The following PUDP variants were observed in gnomAD, a reference collection of about 807,000 sequenced individuals.
PUDP encodes the protein pseudouridine-5'-phosphatase.
PUDP carries 8 observed loss-of-function variants against 9.4 expected under a neutral mutation model. The ratio of observed to expected loss-of-function variants is 0.85; its 90% CI spans 0.50 to 1.53. The LOEUF is 1.53. PUDP is among the 40% of genes most tolerant of loss of function. The pLI is 0.00. For missense variants in PUDP, 188 were observed against 189.7 expected (o/e 0.99, Z 0.05); for synonymous variants, 99 against 80.7 (o/e 1.23, Z -1.22).
rs191177324 is a variant in PUDP, at chrX:6,800,969, C to T, written c.*248-94503G>A. On this transcript the variant is annotated intron_variant and NMD_transcript_variant, in intron 3 of 3. Coordinates refer to the PUDP transcript ENST00000655425. ...GGAAAAGGATTCTCCCTGCCACCACCTCAAATGCCACTGCTGCCTTCCAGC... is the reference window on the plus strand; with the variant it reads ...GGAAAAGGATTCTCCCTGCCACCACTTCAAATGCCACTGCTGCCTTCCAGC... 2.7e-5 allele frequency among the ~76,000 whole-genome samples: 3 copies of T among 111,542 alleles called. No homozygotes were observed. The East Asian group carries it at 8.5e-4, about 31-fold the overall frequency.
At chrX:6,911,170 C>T (rs1463644352) in intron 3 of PUDP, among the ~76,000 whole-genome samples, 1 of 108,982 alleles carries the variant, frequency 9.2e-6, no homozygotes, top group Non-Finnish European at 1.9e-5. Context: ...TATATATTTA[C>T]TTTCTGATTT....
intron 1 of PUDP, among the ~76,000 whole-genome samples, chrX:7,136,334 T>C (rs778410162): frequency 8.9e-6 from 1 of 112,180 alleles, no homozygotes; most frequent in East Asian, 2.8e-4. Context: ...ACAGGGTCAA[T>C]TGTGGCCCCC....
At chrX:7,080,238 A>T (rs1447694825) in intron 2 of PUDP, among the ~76,000 whole-genome samples, 1 of 112,468 alleles carries the variant, frequency 8.9e-6, no homozygotes, top group Non-Finnish European at 1.9e-5. Flanking sequence ...ATGAAATGAG[A>T]TAATTCTTTG....
intron 3 of PUDP, among the ~76,000 whole-genome samples, chrX:6,914,024 G>A (rs962913286): frequency 9.2e-6 from 1 of 108,967 alleles, no homozygotes; most frequent in African/African-American, 3.3e-5. Context: ...AAAATTAGCC[G>A]GGCGTGGTGG....
chrX:6,714,681 G>A (rs144168053), intron 1 of PUDP, among the ~76,000 whole-genome samples: 1 of 111,397 alleles, frequency 9.0e-6, no homozygotes, highest in African/African-American at 3.3e-5. Context: ...GATAAATAGA[G>A]ATGACAGATA....
chrX:6,933,048 GACAA>G (rs1264818100), intron 3 of PUDP, among the ~76,000 whole-genome samples: 2 of 110,596 alleles, frequency 1.8e-5, no homozygotes, highest in Non-Finnish European at 3.8e-5. Context: ...GCAGGGCACA[GACAA>G]ACAAAAAGAC....
intron 3 of PUDP, among the ~76,000 whole-genome samples, chrX:6,931,021 T>C (rs937587713): frequency 3.6e-5 from 4 of 111,792 alleles, no homozygotes; most frequent in African/African-American, 1.3e-4. Context: ...CCCTATATTT[T>C]TATTCGGGTG....
Position 7,077,313 on chromosome X carries a change from C to T in PUDP, c.417G>A (p.Leu139=). 8.3e-7 allele frequency: 1 copy of T among 1,210,779 alleles called. No homozygotes were observed. Among genetic ancestry groups the T allele is most frequent in the Non-Finnish European group, 1.1e-6 (1 of 895,053 alleles). Residue 139 remains leucine (L), a synonymous_variant, in exon 3 of 4, where the codon CTG becomes CTA. Coordinates refer to ENST00000381077, the MANE Select transcript of PUDP (RefSeq NM_012080.5). ...EFFSLFSHIV[L]GDDPEVQHGK... ...CATGCTGCACTTCGGGGTCATCTCC[C>T]AGCACAATGTGGGAAAACAAGCTGA...
At chrX:7,123,361 T>C (rs1173875299) in intron 1 of PUDP, among the ~76,000 whole-genome samples, 1 of 112,027 alleles carries the variant, frequency 8.9e-6, no homozygotes, top group Non-Finnish European at 1.9e-5. Flanking sequence ...GTGGTTAAGA[T>C]GTTTATCATA....
In PUDP at chrX:6,831,621, A is replaced by G. The variant is rs1926504907; in HGVS notation, c.*248-125155T>C. ...TAATGAGACAAATTATCCTCACTGC[A>G]TATAGTGAGAATTAAAAGATACCAT... On this transcript the variant is annotated intron_variant and NMD_transcript_variant, in intron 3 of 3. Transcript: ENST00000655425. Among the ~76,000 whole-genome samples, 3 of 112,241 alleles carry G rather than the reference A, an allele frequency of 2.7e-5. No individual in the cohort carries two copies. The South Asian group carries it at 1.1e-3, about 42-fold the overall frequency.
chrX:6,714,042 C>T (rs1238448173), intron 1 of PUDP, among the ~76,000 whole-genome samples: 1 of 110,512 alleles, frequency 9.0e-6, no homozygotes, highest in Non-Finnish European at 1.9e-5. Flanking sequence ...CAGGCGCACA[C>T]CACCATACCC....
Position 6,919,585 on chromosome X carries a change from A to G in PUDP, c.*247+57548T>C, listed in dbSNP as rs1050588119. Among the ~76,000 whole-genome samples the G allele has an allele frequency of 2.7e-5, 3 of 110,444 alleles. No homozygotes were observed. In the Admixed American group the frequency reaches 2.9e-4, roughly 11 times the overall value. Reference sequence around the variant, plus strand: ...AGAACGACTTGAGAATCCATAAAAAAGCACAAAGACCCGTAGGTTTCTGAT... The same window carrying G: ...AGAACGACTTGAGAATCCATAAAAAGGCACAAAGACCCGTAGGTTTCTGAT... On this transcript the variant is annotated intron_variant and NMD_transcript_variant, in intron 3 of 3. Coordinates refer to the PUDP transcript ENST00000655425.
intron 3 of PUDP, among the ~76,000 whole-genome samples, chrX:6,897,000 A>G: frequency 8.9e-6 from 1 of 111,747 alleles, no homozygotes; most frequent in Non-Finnish European, 1.9e-5. Context: ...AGGTCTATGT[A>G]GTTGGTGAAT....
intron 3 of PUDP, among the ~76,000 whole-genome samples, chrX:6,905,327 T>C (rs982526163): frequency 6.2e-4 from 69 of 111,399 alleles, no homozygotes; most frequent in African/African-American, 2.1e-3. Context: ...AGGATCATAG[T>C]AGCAAGTACA....
chrX:6,985,057 C>T (rs1174742909), intron 1 of PUDP, among the ~76,000 whole-genome samples: 1 of 111,827 alleles, frequency 8.9e-6, no homozygotes, highest in Non-Finnish European at 1.9e-5. Context: ...GCTGTTCCCA[C>T]ACCAAACTAA....
intron 3 of PUDP, among the ~76,000 whole-genome samples, chrX:6,734,614 T>C (rs771578415): frequency 1.9e-4 from 21 of 110,933 alleles, no homozygotes; most frequent in Non-Finnish European, 3.6e-4. Context: ...TTCTACAAAA[T>C]GAAAAAAATT....
intron 1 of PUDP, among the ~76,000 whole-genome samples, chrX:7,123,691 T>C (rs5978283): frequency 0.31 from 34,537 of 110,680 alleles, 4,088 homozygotes; most frequent in Middle Eastern, 0.47. Flanking sequence ...ATGATGGAAA[T>C]GAGATTCCTT....
chrX:6,932,257 T>A (rs1046615355), intron 3 of PUDP, among the ~76,000 whole-genome samples: 1 of 111,339 alleles, frequency 9.0e-6, no homozygotes, highest in Non-Finnish European at 1.9e-5. Context: ...TGCTCCGTCA[T>A]CTGTTACAAT....
intron 3 of PUDP, among the ~76,000 whole-genome samples, chrX:6,752,374 C>A (rs1047723275): frequency 9.0e-6 from 1 of 111,213 alleles, no homozygotes; most frequent in Non-Finnish European, 1.9e-5. Context: ...GATTCTATGT[C>A]CTATGGAAGA....
Sources: gnomAD v4.1 joint callset for allele counts (sites outside exome capture counted in the v4.1 genomes callset) on GRCh38, gnomAD v4.1.1 for gene constraint, MANE v1.5 for transcripts, NCBI Gene and HGNC (gene_info 2026-07-23, HGNC 2026-07-21) for gene names.